Variants in GPR153 observed in about 807,000 individuals in gnomAD.
GPR153 encodes the protein G protein-coupled receptor 153, also known as probable G protein-coupled receptor 153.
Under a neutral mutation model 34.1 loss-of-function variants are expected in GPR153, and 27 were observed. The ratio of observed to expected loss-of-function variants is 0.79; its 90% confidence interval spans 0.58 to 1.09. The LOEUF is 1.09. GPR153 is among the 50% of genes least tolerant of loss of function. GPR153 has a pLI of 0.00. For synonymous variants in GPR153, 408 were observed against 405.4 expected (o/e 1.01, Z -0.08); for missense variants, 848 against 860.2 (o/e 0.99, Z 0.18).
At chr1:6,258,261 G>A (rs1432021805) in intron 1 of GPR153, among the ~76,000 whole-genome samples, 4 of 152,188 alleles carry the variant, frequency 2.6e-5, no homozygotes, top group African/African-American at 9.7e-5. Context: ...CCAAGTAGCT[G>A]GGATTACAGG....
rs999565649 is a variant in GPR153, at chr1:6,249,421, T to TGCC, written c.1744_1746dup (p.Gly582dup). The TGCC allele has an allele frequency of 1.1e-5, 15 of 1,362,058 alleles. No individual in the cohort carries two copies. Among genetic ancestry groups the TGCC allele is most frequent in the African/African-American group, 1.1e-4 (7 of 65,308 alleles). The allele number at this position is 1,362,058 out of a possible 1,614,324, so 84.4% of individuals were successfully genotyped here. ...GGGGAACTCAGGAAGCTGCTGGTGC[T>TGCC]GCCGCCGCCGCCCGCCGCGCGCAGC... On this transcript the variant is annotated inframe_insertion, in exon 6 of 6. Coordinates refer to ENST00000377893, the MANE Select transcript of GPR153 (RefSeq NM_207370.4). This position sits in a 1 kb window ranked among gnomAD's most constrained non-coding sequence, Gnocchi z 4.3.
rs201396676 is a variant in GPR153, at chr1:6,251,386, G to T, written c.931C>A (p.Arg311=). The part of the protein sequence containing the change: ...DRYRADLKAV[R]EKCMALMAND... ...GCCATGAGGGCCATGCACTTCTCCC[G>T]GACAGCTTTGAGGTCAGCCCGGTAG... Residue 311 remains arginine (R), a synonymous_variant, in exon 4 of 6, where the codon CGG becomes AGG. Transcript: ENST00000377893. The surrounding 1 kb of genome is among the most constrained non-coding windows in gnomAD (Gnocchi z 4.9). The T allele has an allele frequency of 6.2e-7, 1 of 1,613,342 alleles. No homozygotes were observed. Among genetic ancestry groups the T allele is most frequent in the Non-Finnish European group, 8.5e-7 (1 of 1,179,776 alleles).
At chr1:6,260,094 G>A (rs1435275160) in intron 1 of GPR153, among the ~76,000 whole-genome samples, 1 of 152,206 alleles carries the variant, frequency 6.6e-6, no homozygotes, top group African/African-American at 2.4e-5. Context: ...ACATGCGGGC[G>A]GGGCCGGGGC....
rs548916502 is a variant in GPR153 at position 6,250,983 on chromosome 1, C to T, written c.979+355G>A. 1.5e-4 allele frequency among the ~76,000 whole-genome samples: 23 copies of T among 152,304 alleles called. No individual in the cohort carries two copies. The South Asian group carries it at 4.6e-3, about 30-fold the overall frequency. ...GGGATTGCTGGTAACGGTATCCAGA[C>T]AGGACCTCGGTCTGCAGGAGCCCCC... On this transcript the variant is annotated intron_variant, in intron 4 of 5. Coordinates refer to ENST00000377893, the MANE Select transcript of GPR153 (RefSeq NM_207370.4).
Position 6,249,701 on chromosome 1 carries a change from G to T in GPR153, c.1467C>A (p.Pro489=). 2 of 1,036,850 alleles carry T rather than the reference G, an allele frequency of 1.9e-6. No individual in the cohort carries two copies. Among genetic ancestry groups the T allele is most frequent in the Non-Finnish European group, 2.3e-6 (2 of 865,522 alleles). 64.2% of individuals were successfully genotyped at this position (1,036,850 alleles called of 1,614,324 possible). Residue 489 remains proline (P), a synonymous_variant, in exon 6 of 6, where the codon CCC becomes CCA. Coordinates refer to ENST00000377893, the MANE Select transcript of GPR153 (RefSeq NM_207370.4). The surrounding 1 kb of genome is among the most constrained non-coding windows in gnomAD (Gnocchi z 4.3). ...PPGSPRRRPG[P]GPRSASASLL... is the part of the protein sequence containing the mutation. ...GCGAGGCCGAGGCGGAGCGGGGGCCGGGCCCGGGGCGGCGGCGCGGGCTGC... is the reference window on the plus strand; with the variant it reads ...GCGAGGCCGAGGCGGAGCGGGGGCCTGGCCCGGGGCGGCGGCGCGGGCTGC...
chr1:6,257,467 T>C (rs2100993200), intron 1 of GPR153, among the ~76,000 whole-genome samples: 1 of 152,324 alleles, frequency 6.6e-6, no homozygotes, highest in East Asian at 1.9e-4. Context: ...ACAGCAGCGG[T>C]GTGGCTGGGG....
chr1:6,248,989 G>A lies in GPR153; in HGVS notation c.*349C>T, dbSNP rs948316949. 1 of 202,606 alleles carries A rather than the reference G, an allele frequency of 4.9e-6. No individual in the cohort carries two copies. The highest frequency in any genetic ancestry group is 1.1e-4 in the East Asian group (1 of 9,292). The allele number at this position is 202,606 out of a possible 1,614,324, so 12.6% of individuals were successfully genotyped here. On this transcript the variant is annotated 3_prime_UTR_variant, in exon 6 of 6. Transcript: ENST00000377893. ...CCGATCCCGCAGTGGCCCTGTCTCA[G>A]GTTCCCTGCTCCCGACGTCCTGTTG... is the stretch of plus-strand genomic sequence containing the variant.
Position 6,249,888 on chromosome 1 carries a change from A to G in GPR153, c.1280T>C (p.Leu427Pro). The change falls in exon 6 of 6, where the codon CTG becomes CCG. Residue 427 changes from leucine (L) to proline (P), a missense_variant. Physicochemically the swap from Leu to Pro is moderately conservative, Grantham distance 98 (BLOSUM62 -3). Coordinates refer to ENST00000377893, the MANE Select transcript of GPR153 (RefSeq NM_207370.4). The surrounding 1 kb of genome is among the most constrained non-coding windows in gnomAD (Gnocchi z 4.3). ...CCGCTCGGGCCCGGCAGGCAGCACC[A>G]GGTGCGCCAGGGCGGCCAGGTCCTC... ...SGEDLAALAH[L>P]VLPAGPERRR... is the part of the protein sequence containing the mutation. 1 of 1,293,732 alleles carries G rather than the reference A, an allele frequency of 7.7e-7. No homozygotes were observed. Among genetic ancestry groups the G allele is most frequent in the Non-Finnish European group, 9.8e-7 (1 of 1,017,220 alleles). The allele number at this position is 1,293,732 out of a possible 1,614,324, so 80.1% of individuals were successfully genotyped here.
Position 6,249,547 on chromosome 1 carries a change from G to T in GPR153, c.1621C>A (p.Pro541Thr). The change falls in exon 6 of 6, where the codon CCA (proline) becomes ACA (threonine). Residue 541 changes from proline (P) to threonine (T), a missense_variant. Transcript: ENST00000377893. This position sits in a 1 kb window ranked among gnomAD's most constrained non-coding sequence, Gnocchi z 4.3. The stretch of plus-strand genomic sequence containing the variant: ...CCTGGGCTCCGCTGGGCGCTGCTTG[G>T]GGGCGTCGGGGCCTCTCCGGGATCT... ...GADPGEAPTP[P>T]SSAQRSPGPR... The T allele has an allele frequency of 8.4e-7, 1 of 1,195,048 alleles. No homozygotes were observed. Among genetic ancestry groups the T allele is most frequent in the Non-Finnish European group, 1.0e-6 (1 of 964,848 alleles). 74.0% of individuals were successfully genotyped at this position (1,195,048 alleles called of 1,614,324 possible).
Position 6,254,670 on chromosome 1 carries a change from T to C in GPR153, c.236A>G (p.Asn79Ser). ...CACGAAGACCTTGCAGAGACCCTCA[T>C]TCCACTCGAAGTCGGGGCGCTGCCG... ...LRRQRPDFEW[N>S]EGLCKVFVST... The change falls in exon 2 of 6, where the codon AAT (asparagine) becomes AGT (serine). Residue 79 changes from asparagine to serine, a missense_variant. Asn to Ser is a conservative substitution (Grantham distance 46). Transcript: ENST00000377893. 6.2e-7 allele frequency: 1 copy of C among 1,613,862 alleles called. No individual in the cohort carries two copies. The highest frequency in any genetic ancestry group is 8.5e-7 in the Non-Finnish European group (1 of 1,179,882).
rs74626631 is a variant in GPR153, at chr1:6,254,683, C to A, written c.223G>T (p.Asp75Tyr). 1 of 1,613,476 alleles carries A rather than the reference C, an allele frequency of 6.2e-7. No homozygotes were observed. Among genetic ancestry groups the A allele is most frequent in the South Asian group, 1.1e-5 (1 of 90,992 alleles). ...CAGAGACCCTCATTCCACTCGAAGT[C>A]GGGGCGCTGCCGCCGCAGCTGCACC... is the stretch of plus-strand genomic sequence containing the variant. Reference protein sequence around the residue: ...SVVQLRRQRPDFEWNEGLCKV... With the variant: ...SVVQLRRQRPYFEWNEGLCKV... Residue 75 changes from aspartate to tyrosine, a missense_variant, in exon 2 of 6, where the codon GAC becomes TAC. Coordinates refer to ENST00000377893, the MANE Select transcript of GPR153 (RefSeq NM_207370.4).
At position 6,248,936 on chromosome 1, in the gene GPR153, G is replaced by A. The variant is rs985142532; in HGVS notation, c.*402C>T. ...GCCCCTGGGGAGGCCAATGGCTCCA[G>A]CTCAGCCTCTCCAAAGCGGGGCTTT... On this transcript the variant is annotated 3_prime_UTR_variant, in exon 6 of 6. Coordinates refer to ENST00000377893, the MANE Select transcript of GPR153 (RefSeq NM_207370.4). 6 of 163,764 alleles carry A rather than the reference G, an allele frequency of 3.7e-5. No homozygotes were observed. Among genetic ancestry groups the A allele is most frequent in the Non-Finnish European group, 6.6e-5 (5 of 76,186 alleles). 10.1% of individuals were successfully genotyped at this position (163,764 alleles called of 1,614,324 possible).
At position 6,251,616 on chromosome 1, in the gene GPR153, C is replaced by T. The variant is rs370042898; in HGVS notation, c.787-86G>A. The T allele has an allele frequency of 5.1e-4, 709 of 1,380,682 alleles. 4 individuals are homozygous for T. In the South Asian group the frequency reaches 7.5e-3, roughly 15 times the overall value. The allele number at this position is 1,380,682 out of a possible 1,614,324, so 85.5% of individuals were successfully genotyped here. A position where few individuals can be genotyped will look rare whatever the true frequency, so the allele number is the denominator to read the frequency against. On this transcript the variant is annotated intron_variant, in intron 3 of 5. Transcript: ENST00000377893. This position sits in a 1 kb window ranked among gnomAD's most constrained non-coding sequence, Gnocchi z 4.9. ...CTGAGTCTCGGTCTCCCCATGTGTA[C>T]GGCAGGTCTGACAGGTGGGTATCTG... is the stretch of plus-strand genomic sequence containing the variant.
chr1:6,256,366 C>G (rs994893659), intron 1 of GPR153, among the ~76,000 whole-genome samples: 1 of 134,604 alleles, frequency 7.4e-6, no homozygotes, highest in African/African-American at 2.6e-5. Context: ...TTTTTTAAAT[C>G]TTTCTTTTCT....
intron 1 of GPR153, among the ~76,000 whole-genome samples, chr1:6,257,738 G>A (rs1415349076): frequency 1.3e-5 from 2 of 152,240 alleles, no homozygotes; most frequent in Non-Finnish European, 2.9e-5. Flanking sequence ...ATAGGATGCT[G>A]GGCAGCAGGC....
At chr1:6,259,647 C>T (rs1557617274) in intron 1 of GPR153, among the ~76,000 whole-genome samples, 1 of 152,038 alleles carries the variant, frequency 6.6e-6, no homozygotes, top group African/African-American at 2.4e-5. Flanking sequence ...GGTTTGGGGC[C>T]AGGCACTCCT....
In GPR153 at chr1:6,251,750, T is replaced by C. The variant is rs1388617497; in HGVS notation, c.787-220A>G. ...GGCAGCACTGGGTGGCCTTGCTCTG[T>C]CTTCCTCCTGGCTGCCCATGGAGAG... On this transcript the variant is annotated intron_variant, in intron 3 of 5. Coordinates refer to ENST00000377893, the MANE Select transcript of GPR153 (RefSeq NM_207370.4). The surrounding 1 kb of genome is among the most constrained non-coding windows in gnomAD (Gnocchi z 4.9). Among the ~76,000 whole-genome samples, 1 of 152,200 alleles carries C rather than the reference T, an allele frequency of 6.6e-6. No homozygotes were observed. Among genetic ancestry groups the C allele is most frequent in the Non-Finnish European group, 1.5e-5 (1 of 68,026 alleles).
intron 3 of GPR153, among the ~76,000 whole-genome samples, chr1:6,253,163 G>A (rs1170449702): frequency 6.6e-6 from 1 of 152,182 alleles, no homozygotes; most frequent in Non-Finnish European, 1.5e-5. Flanking sequence ...AGGCTGAGAT[G>A]GGCAGATCAC....
At position 6,249,399 on chromosome 1, in the gene GPR153, G is replaced by A; in HGVS notation, c.1769C>T (p.Ser590Phe). 1 of 1,377,662 alleles carries A rather than the reference G, an allele frequency of 7.3e-7. No individual in the cohort carries two copies. Among genetic ancestry groups the A allele is most frequent in the Non-Finnish European group, 9.3e-7 (1 of 1,070,694 alleles). The allele number at this position is 1,377,662 out of a possible 1,614,324, so 85.3% of individuals were successfully genotyped here. Residue 590 changes from serine (S) to phenylalanine (F), a missense_variant, in exon 6 of 6, where the codon TCC (serine) becomes TTC (phenylalanine). By Grantham distance (155) the Ser-to-Phe change is radical. Transcript: ENST00000377893. The surrounding 1 kb of genome is among the most constrained non-coding windows in gnomAD (Gnocchi z 4.3). ...GGCGTAGCCCGAGGACTCGGAGGGG[G>A]AACTCAGGAAGCTGCTGGTGCTGCC... Reference protein sequence around the residue: ...GGGSTSSFLSSPSESSGYATL... With the variant: ...GGGSTSSFLSFPSESSGYATL...
Sources: gnomAD v4.1 joint callset for allele counts (sites outside exome capture counted in the v4.1 genomes callset) on GRCh38, gnomAD v4.1.1 for gene constraint, Gnocchi (gnomAD v3.1) non-coding constraint, MANE v1.5 for transcripts, NCBI Gene and HGNC (gene_info 2026-07-23, HGNC 2026-07-21) for gene names.